The following CENPM variants were observed in gnomAD, a reference collection of about 807,000 sequenced individuals.
The protein encoded by CENPM is interphase centromere complex protein 39.
A neutral mutation model predicts 19.6 loss-of-function variants in CENPM; 14 were observed. That is an observed-to-expected ratio of 0.71 (90% CI 0.47 to 1.11). The LOEUF (loss-of-function observed/expected upper bound fraction) is 1.11. Among genes scored for constraint, CENPM ranks in the 50% most tolerant of loss-of-function variants. CENPM has a pLI of 0.00. For synonymous variants in CENPM, 114 were observed against 101.5 expected (o/e 1.12, Z -0.74); for missense variants, 239 against 228.4 (o/e 1.05, Z -0.30).
intron 4 of CENPM, among the ~76,000 whole-genome samples, chr22:41,944,435 C>CAAAAAAAA (rs139232803): frequency 1.4e-5 from 1 of 70,258 alleles, no homozygotes; most frequent in African/African-American, 5.4e-5. Flanking sequence ...GACTCCGTCT[C>CAAAAAAAA]AAAAAAAAAA....
intron 5 of CENPM, among the ~76,000 whole-genome samples, chr22:41,942,462 A>G (rs749139517): frequency 3.3e-5 from 5 of 152,048 alleles, no homozygotes; most frequent in Non-Finnish European, 4.4e-5. Flanking sequence ...AAAAGTAAAT[A>G]AACAGTGGCC....
intron 5 of CENPM, among the ~76,000 whole-genome samples, chr22:41,941,385 G>T (rs1179647322): frequency 6.6e-6 from 1 of 152,216 alleles, no homozygotes; most frequent in Non-Finnish European, 1.5e-5. Flanking sequence ...TCCTGCTGCG[G>T]CGGGAACCAG....
the CENPM span, among the ~76,000 whole-genome samples, chr22:41,931,930 G>A: frequency 1.7e-4 from 26 of 152,348 alleles, no homozygotes; most frequent in South Asian, 5.2e-3. Context: ...ACCTGAACAC[G>A]TGCTCAGGAA....
chr22:41,944,770 G>A (rs2077779824), intron 4 of CENPM: 2 of 985,298 alleles, frequency 2.0e-6, no homozygotes, highest in South Asian at 9.4e-5. Context: ...AGGCCAAACT[G>A]CAAAGTGTTT....
chr22:41,928,721 G>A, the CENPM span, among the ~76,000 whole-genome samples: 18,036 of 152,098 alleles, frequency 0.12, 2,713 homozygotes, highest in African/African-American at 0.35. This position sits in a 1 kb window ranked among gnomAD's most constrained non-coding sequence, Gnocchi z 4.0. Flanking sequence ...GGGAGCATCC[G>A]GGCTGCGGAT....
chr22:41,939,868 G>GAAAGAAAGAA (rs1569425890), intron 5 of CENPM, among the ~76,000 whole-genome samples: 1 of 9,296 alleles, frequency 1.1e-4, no homozygotes, highest in Non-Finnish European at 3.1e-4. Context: ...AAGAAAGAAA[G>GAAAGAAAGAA]AAAGAAAGAA....
the CENPM span, among the ~76,000 whole-genome samples, chr22:41,930,007 A>G: frequency 5.2e-4 from 66 of 126,626 alleles, no homozygotes; most frequent in Non-Finnish European, 7.6e-4. Flanking sequence ...GCAGTGGCGC[A>G]ATCTCCGCTC....
intron 1 of CENPM, chr22:41,946,746 C>T (rs2077809615): frequency 3.3e-6 from 2 of 598,270 alleles, no homozygotes; most frequent in South Asian, 4.0e-5. Flanking sequence ...TCCAGGAGGC[C>T]AGACCCCCAG....
chr22:41,946,608 CGGA>C (rs1023058868), intron 1 of CENPM, 112 bp from the exon 2 acceptor site: 1 of 863,214 alleles, frequency 1.2e-6, no homozygotes, highest in African/African-American at 1.7e-5. Context: ...GCAGGCGGCT[CGGA>C]GGACATTTCC....
chr22:41,933,344 A>G, the CENPM span, among the ~76,000 whole-genome samples: 1 of 128,746 alleles, frequency 7.8e-6, no homozygotes, highest in Non-Finnish European at 1.6e-5. Context: ...GTGTGCGGAC[A>G]GCGGCAGGGA....
At chr22:41,928,256 G>A in the CENPM span, 34 of 270,578 alleles carry the variant, frequency 1.3e-4, no homozygotes, top group African/African-American at 7.5e-4. The surrounding 1 kb of genome is among the most constrained non-coding windows in gnomAD (Gnocchi z 4.0). Flanking sequence ...GTCCTCTCCT[G>A]CTCACCTCTG....
At chr22:41,942,640 A>C (rs1781129347) in intron 5 of CENPM, among the ~76,000 whole-genome samples, 1 of 152,006 alleles carries the variant, frequency 6.6e-6, no homozygotes, top group Non-Finnish European at 1.5e-5. Flanking sequence ...AGTCCCAGCT[A>C]CTTGGGAGGC....
chr22:41,942,691 C>T (rs2077752569), intron 5 of CENPM, among the ~76,000 whole-genome samples: 1 of 150,202 alleles, frequency 6.7e-6, no homozygotes, highest in African/African-American at 2.5e-5. Flanking sequence ...GCAGAGCTTG[C>T]AGTGAGCCGA....
chr22:41,936,842 C>A (rs1363093488), downstream of CENPM, among the ~76,000 whole-genome samples: 3 of 152,130 alleles, frequency 2.0e-5, no homozygotes, highest in East Asian at 1.9e-4. Context: ...GCAGGAGAAT[C>A]ACTTGAACCA....
chr22:41,945,423 C>A, intron 3 of CENPM, 119 bp from the exon 4 acceptor site: 3 of 1,437,790 alleles, frequency 2.1e-6, no homozygotes, highest in South Asian at 1.4e-5. Flanking sequence ...GGGTGACTTT[C>A]TCTGGAGAAA....
At chr22:41,941,840 A>C (rs1365885403) in intron 5 of CENPM, among the ~76,000 whole-genome samples, 1 of 152,242 alleles carries the variant, frequency 6.6e-6, no homozygotes, top group Non-Finnish European at 1.5e-5. Context: ...GTGTATCATG[A>C]TCGATGCATC....
intron 2 of CENPM, chr22:41,946,207 C>T: frequency 4.6e-6 from 3 of 648,974 alleles, no homozygotes; most frequent in Admixed American, 2.8e-5. Flanking sequence ...CTGTCTGATT[C>T]CCTCTGCCAG....
chr22:41,945,704 G>A (rs561717686), intron 3 of CENPM, among the ~76,000 whole-genome samples: 1 of 152,236 alleles, frequency 6.6e-6, no homozygotes, highest in East Asian at 1.9e-4. Context: ...CCAAAGTGCT[G>A]GGATTACAGG....
intron 5 of CENPM, among the ~76,000 whole-genome samples, chr22:41,942,693 G>A (rs1018791342): frequency 6.6e-6 from 1 of 151,440 alleles, no homozygotes; most frequent in South Asian, 2.1e-4. Context: ...AGAGCTTGCA[G>A]TGAGCCGAGA....
Sources: allele counts gnomAD v4.1 joint callset (sites outside exome capture counted in the v4.1 genomes callset), GRCh38; gene constraint gnomAD v4.1.1; non-coding constraint Gnocchi (gnomAD v3.1); transcripts MANE v1.5; gene names NCBI Gene and HGNC (gene_info 2026-07-23, HGNC 2026-07-21).